Variants in HEXB observed in about 807,000 individuals in gnomAD.
HEXB encodes the protein beta-hexosaminidase subunit beta.
Under a neutral mutation model 71.2 loss-of-function variants are expected in HEXB, and 51 were observed. The ratio of observed to expected loss-of-function variants is 0.72; its 90% confidence interval spans 0.57 to 0.90. The LOEUF is 0.90. HEXB is among the 40% of genes least tolerant of loss of function. The probability of loss-of-function intolerance (pLI) is 0.00; values close to 1 mark genes in which losing one functional copy is unlikely to be tolerated. For missense variants in HEXB, 617 were observed against 677.0 expected, an observed-to-expected ratio of 0.91 and a Z score of 0.98; for synonymous variants, 266 against 249.3, an observed-to-expected ratio of 1.07 and a Z score of -0.63.
chr5:74,662,324 T>A (rs1374580011), intron 1 of HEXB, among the ~76,000 whole-genome samples: 1 of 152,266 alleles, frequency 6.6e-6, no homozygotes, highest in African/African-American at 2.4e-5. Flanking sequence ...ATAATTTCCA[T>A]AATTATTTCT....
chr5:74,677,296 G>A (rs1748649240), intron 1 of HEXB, among the ~76,000 whole-genome samples: 1 of 152,080 alleles, frequency 6.6e-6, no homozygotes, highest in Non-Finnish European at 1.5e-5. Context: ...TTACACATTT[G>A]CATGACTAAG....
upstream of HEXB, among the ~76,000 whole-genome samples, chr5:74,684,464 A>C (rs906719275): frequency 6.6e-6 from 1 of 152,184 alleles, no homozygotes. Flanking sequence ...GTTACAGAAA[A>C]GCCTAGACTT....
Position 74,685,390 on chromosome 5 carries a change from C to A in HEXB, c.130C>A (p.Arg44=). ...ALVVQVAEAA[R]APSVSAKPGP... ...GGTGGTGCAGGTGGCGGAGGCGGCT[C>A]GGGCCCCGAGCGTCTCGGCCAAGCC... The change falls in exon 1 of 14, where the codon CGG becomes AGG. Residue 44 remains arginine, a synonymous_variant. Transcript: ENST00000261416. 1.3e-6 allele frequency: 2 copies of A among 1,592,390 alleles called. No homozygotes were observed. Among genetic ancestry groups the A allele is most frequent in the Non-Finnish European group, 1.7e-6 (2 of 1,171,668 alleles).
At chr5:74,661,553 G>C (rs1748325124) in intron 1 of HEXB, among the ~76,000 whole-genome samples, 1 of 63,952 alleles carries the variant, frequency 1.6e-5, no homozygotes, top group Admixed American at 1.9e-4. Context: ...GTGTGTGTGT[G>C]TGTGTGTGTG....
At chr5:74,687,433 T>C (rs1475927026) in intron 1 of HEXB, among the ~76,000 whole-genome samples, 1 of 152,238 alleles carries the variant, frequency 6.6e-6, no homozygotes, top group Non-Finnish European at 1.5e-5. Context: ...AGAGTTTGGC[T>C]GTTAGATGCA....
At chr5:74,645,908 A>G (rs1393197978) in intron 1 of HEXB, among the ~76,000 whole-genome samples, 1 of 152,172 alleles carries the variant, frequency 6.6e-6, no homozygotes, top group Non-Finnish European at 1.5e-5. Flanking sequence ...AGATAATGAC[A>G]CTCATTAATC....
intron 1 of HEXB, among the ~76,000 whole-genome samples, chr5:74,679,141 T>C (rs1008956298): frequency 6.6e-6 from 1 of 152,200 alleles, no homozygotes; most frequent in African/African-American, 2.4e-5. Context: ...TATAAACTGA[T>C]ACTTGGAAGT....
intron 5 of HEXB, among the ~76,000 whole-genome samples, chr5:74,700,247 A>G (rs1749231066): frequency 6.6e-6 from 1 of 151,614 alleles, no homozygotes; most frequent in East Asian, 1.9e-4. Context: ...AGCTCAGGCA[A>G]TCTGCCCACC....
intron 1 of HEXB, among the ~76,000 whole-genome samples, chr5:74,675,902 T>A (rs1379171249): frequency 1.3e-5 from 2 of 151,782 alleles, no homozygotes; most frequent in East Asian, 3.9e-4. Context: ...GGAAATTGAG[T>A]GGGGAGGGAA....
chr5:74,656,593 G>C (rs73115162), intron 1 of HEXB, among the ~76,000 whole-genome samples: 11,528 of 151,966 alleles, frequency 0.076, 1,532 homozygotes, highest in African/African-American at 0.26. Context: ...GCATGACACA[G>C]AGTGGAACGT....
chr5:74,645,265 C>T (rs570238928), intron 1 of HEXB, among the ~76,000 whole-genome samples: 18 of 152,118 alleles, frequency 1.2e-4, no homozygotes, highest in Non-Finnish European at 2.1e-4. Context: ...ATTCACAGGC[C>T]GACATGGTTC....
chr5:74,652,936 C>T lies in HEXB; in HGVS notation c.-377+12378C>T, dbSNP rs1748147972. 6.6e-6 allele frequency among the ~76,000 whole-genome samples: 1 copy of T among 152,152 alleles called. No individual in the cohort carries two copies. ...TTATATACCAGTCATTTTTAATGCC[C>T]TCTTTGCTTTACTGAAATGGAATTT... On this transcript the variant is annotated intron_variant, in intron 1 of 13. Coordinates refer to the HEXB transcript ENST00000511181. This position sits in a 1 kb window ranked among gnomAD's most constrained non-coding sequence, Gnocchi z 5.4.
chr5:74,697,767 C>A (rs1749147975), intron 5 of HEXB, among the ~76,000 whole-genome samples: 1 of 150,788 alleles, frequency 6.6e-6, no homozygotes, highest in Non-Finnish European at 1.5e-5. Context: ...GCCACCACAC[C>A]ATACTTCTAG....
At chr5:74,711,897 G>C (rs1749551798) in intron 6 of HEXB, among the ~76,000 whole-genome samples, 1 of 150,900 alleles carries the variant, frequency 6.6e-6, no homozygotes, top group East Asian at 1.9e-4. Context: ...TCTAGAACTA[G>C]AAATACCATT....
intron 1 of HEXB, among the ~76,000 whole-genome samples, chr5:74,648,553 C>CTAT (rs10685108): frequency 0.17 from 25,860 of 152,012 alleles, 2,932 homozygotes; most frequent in African/African-American, 0.32. Context: ...CTTATACTGT[C>CTAT]TTAATAGTGG....
chr5:74,662,851 T>A (rs548290961), intron 1 of HEXB, among the ~76,000 whole-genome samples: 1 of 152,202 alleles, frequency 6.6e-6, no homozygotes, highest in Non-Finnish European at 1.5e-5. Context: ...AACCTCATTT[T>A]ACTGCTGAGG....
intron 1 of HEXB, among the ~76,000 whole-genome samples, chr5:74,654,353 G>A (rs1249986983): frequency 6.6e-6 from 1 of 152,152 alleles, no homozygotes; most frequent in Admixed American, 6.5e-5. Context: ...TGCCGACACT[G>A]CTGGTCTGCA....
chr5:74,707,272 C>T (rs1359234210), intron 6 of HEXB, among the ~76,000 whole-genome samples: 90 of 152,310 alleles, frequency 5.9e-4, no homozygotes, highest in African/African-American at 2.1e-3. Flanking sequence ...AAAGGACATC[C>T]ACACCAAAAA....
At chr5:74,654,430 C>G (rs1195611442) in intron 1 of HEXB, among the ~76,000 whole-genome samples, 1 of 152,168 alleles carries the variant, frequency 6.6e-6, no homozygotes, top group Non-Finnish European at 1.5e-5. Flanking sequence ...ACCACAGAAT[C>G]ACACAAAGAC....
Sources: gnomAD v4.1 joint callset for allele counts (sites outside exome capture counted in the v4.1 genomes callset) on GRCh38, gnomAD v4.1.1 for gene constraint, Gnocchi (gnomAD v3.1) non-coding constraint, MANE v1.5 for transcripts, NCBI Gene and HGNC (gene_info 2026-07-23, HGNC 2026-07-21) for gene names.